RALGDS: variants seen among roughly 807,000 people sequenced by gnomAD.
RALGDS encodes ral guanine nucleotide dissociation stimulator.
A neutral mutation model predicts 99.8 loss-of-function variants in RALGDS; 44 were observed. That is an observed-to-expected ratio of 0.44 (90% CI 0.35 to 0.57). The LOEUF (loss-of-function observed/expected upper bound fraction) is 0.57, where lower values mean the gene tolerates loss of function less well. Among genes scored for constraint, RALGDS ranks in the 20% least tolerant of loss-of-function variants. RALGDS has a pLI of 0.01. For synonymous variants in RALGDS, 529 were observed against 505.0 expected (o/e 1.05, Z -0.64); for missense variants, 1,022 against 1,203.1 (o/e 0.85, Z 2.23).
intron 1 of RALGDS, chr9:133,148,918 C>T (rs762498538): frequency 6.9e-6 from 11 of 1,595,524 alleles, no homozygotes; most frequent in East Asian, 2.3e-5. Flanking sequence ...GGCATACGGT[C>T]CTCCCTCCAC....
intron 1 of RALGDS, among the ~76,000 whole-genome samples, chr9:133,148,272 T>C (rs563646821): frequency 6.6e-6 from 1 of 152,362 alleles, no homozygotes; most frequent in African/African-American, 2.4e-5. Flanking sequence ...AAGGGGTCTT[T>C]TCCTGCTTCC....
chr9:133,107,881 G>A (rs1588524045), intron 6 of RALGDS, 107 bp downstream of exon 6: 1 of 1,411,634 alleles, frequency 7.1e-7, no homozygotes, highest in Non-Finnish European at 9.9e-7. Flanking sequence ...CAGCAGAGCT[G>A]GGATTTGACC....
Position 133,110,282 on chromosome 9 carries a change from G to A in RALGDS, c.488+14C>T, listed in dbSNP as rs1831280706. ...GCCCCTGTGCACCCTGTGCAGTGGA[G>A]GGCTCATGCTCACCTTTTGAACAGC... On this transcript the variant is annotated intron_variant, in intron 3 of 17. Coordinates refer to ENST00000372050, the MANE Select transcript of RALGDS (RefSeq NM_006266.4). The A allele has an allele frequency of 1.9e-6, 3 of 1,611,082 alleles. No individual in the cohort carries two copies. Among genetic ancestry groups the A allele is most frequent in the African/African-American group, 1.3e-5 (1 of 74,892 alleles).
intron 8 of RALGDS, among the ~76,000 whole-genome samples, chr9:133,106,345 C>G (rs935552077): frequency 6.6e-6 from 1 of 152,214 alleles, no homozygotes; most frequent in African/African-American, 2.4e-5. Flanking sequence ...TCTCCTGCCT[C>G]AGCCTCCCAA....
intron 9 of RALGDS, among the ~76,000 whole-genome samples, chr9:133,105,616 C>A (rs1301682943): frequency 6.6e-6 from 1 of 152,086 alleles, no homozygotes; most frequent in Non-Finnish European, 1.5e-5. Flanking sequence ...TCCCACCCAG[C>A]AGGAGGGACC....
At chr9:133,122,382 A>G (rs1241936053), upstream of RALGDS, among the ~76,000 whole-genome samples, 2 of 152,054 alleles carry the variant, frequency 1.3e-5, no homozygotes, top group Non-Finnish European at 1.5e-5. Context: ...GGCCATGCCA[A>G]CCTCCCCAGG....
chr9:133,107,344 TG>T (rs950607560), intron 6 of RALGDS, 44 bp from the exon 7 acceptor site: 19 of 1,526,530 alleles, frequency 1.2e-5, no homozygotes, highest in Non-Finnish European at 1.4e-5. Flanking sequence ...CCCAGCAGTC[TG>T]GGCTGGTGCT....
At chr9:133,103,082 A>T (rs1588512311) in intron 12 of RALGDS, 148 bp downstream of exon 12, 6 of 1,321,730 alleles carry the variant, frequency 4.5e-6, no homozygotes, top group Non-Finnish European at 5.3e-6. Context: ...TCCTACCCTC[A>T]CCCTCCAGTG....
At chr9:133,111,997 G>A (rs542467940) in intron 2 of RALGDS, 45 bp downstream of exon 2, 171 of 1,430,232 alleles carry the variant, frequency 1.2e-4, no homozygotes, top group Middle Eastern at 1.7e-4. Context: ...GTCCTGGGAG[G>A]GATCCCCAGC....
upstream of RALGDS, among the ~76,000 whole-genome samples, chr9:133,132,121 G>A (rs1320689901): frequency 6.6e-6 from 1 of 152,276 alleles, no homozygotes; most frequent in Non-Finnish European, 1.5e-5. Flanking sequence ...AGTGCTCAGA[G>A]TGTGGCTTGT....
At chr9:133,107,022 G>A in intron 7 of RALGDS, 63 bp downstream of exon 7, 1 of 1,571,130 alleles carries the variant, frequency 6.4e-7, no homozygotes, top group South Asian at 1.1e-5. Context: ...GCCTTGGACT[G>A]CAGACCACAA....
At chr9:133,134,185 G>A (rs923729000), upstream of RALGDS, among the ~76,000 whole-genome samples, 2 of 152,186 alleles carry the variant, frequency 1.3e-5, no homozygotes, top group Non-Finnish European at 2.9e-5. Flanking sequence ...TCGTGCAGGA[G>A]ACAGATCCTG....
chr9:133,108,505 C>T (rs769377756), intron 5 of RALGDS, 99 bp from the exon 6 acceptor site: 107 of 1,434,614 alleles, frequency 7.5e-5, no homozygotes, highest in Non-Finnish European at 1.0e-4. Flanking sequence ...TCTCCCCGAA[C>T]CCACAAAACG....
chr9:133,105,130 G>A (rs1267448773), intron 9 of RALGDS, among the ~76,000 whole-genome samples: 4 of 152,184 alleles, frequency 2.6e-5, no homozygotes, highest in African/African-American at 9.7e-5. Context: ...GTGGAGCTGT[G>A]CCACGGAGGG....
At position 133,140,455 on chromosome 9, in the gene RALGDS, G is replaced by A. The variant is rs183709896; in HGVS notation, c.18+8508C>T. On this transcript the variant is annotated intron_variant, in intron 1 of 17. Coordinates refer to the RALGDS transcript ENST00000393160. ...CTCCCTCGGAACACAAAGGTCAGAT[G>A]GGCACACCTGACCTCTCGGGTGGTG... Among the ~76,000 whole-genome samples, 31 of 152,212 alleles carry A rather than the reference G, an allele frequency of 2.0e-4. No individual in the cohort carries two copies. The East Asian group carries it at 4.8e-3, about 24-fold the overall frequency.
chr9:133,145,341 TC>T (rs1832604550), intron 1 of RALGDS, among the ~76,000 whole-genome samples: 1 of 152,016 alleles, frequency 6.6e-6, no homozygotes, highest in African/African-American at 2.4e-5. Flanking sequence ...GATGAGCACT[TC>T]CCCTTCCCCT....
intron 1 of RALGDS, among the ~76,000 whole-genome samples, 190 bp from the exon 2 acceptor site, chr9:133,112,342 C>T (rs376359101): frequency 2.6e-5 from 4 of 152,086 alleles, no homozygotes; most frequent in Admixed American, 6.5e-5. Context: ...TTCCCCAACC[C>T]GGCCAGCCAC....
At chr9:133,116,257 G>A (rs923395860) in intron 1 of RALGDS, among the ~76,000 whole-genome samples, 1 of 152,248 alleles carries the variant, frequency 6.6e-6, no homozygotes, top group African/African-American at 2.4e-5. Flanking sequence ...CCGGGGTGTG[G>A]GTGGGCCACA....
chr9:133,103,290 A>C (rs754921248), intron 11 of RALGDS, 28 bp from the exon 12 acceptor site: 1 of 1,613,878 alleles, frequency 6.2e-7, no homozygotes, highest in South Asian at 1.1e-5. Flanking sequence ...AATGGCCGTC[A>C]GAAAGTGACC....
Sources: gnomAD v4.1 joint callset for allele counts (sites outside exome capture counted in the v4.1 genomes callset) on GRCh38, gnomAD v4.1.1 for gene constraint, MANE v1.5 for transcripts, NCBI Gene and HGNC (gene_info 2026-07-23, HGNC 2026-07-21) for gene names.